PRELID2: variants seen among roughly 807,000 people sequenced by gnomAD.
PRELID2 encodes PRELI domain containing 2, also known as PRELI domain-containing protein 2.
Under a neutral mutation model 28.4 loss-of-function variants are expected in PRELID2, and 25 were observed. That is an observed-to-expected ratio of 0.88 (90% confidence interval 0.64 to 1.23). PRELID2 has a LOEUF of 1.23. Ranked by LOEUF, PRELID2 falls within the 50% of genes most tolerant of loss-of-function variation. PRELID2 has a pLI of 0.00. For missense variants in PRELID2, 201 were observed against 214.4 expected (o/e 0.94, Z 0.39); for synonymous variants, 76 against 71.6 (o/e 1.06, Z -0.31).
chr5:145,695,017 G>A (rs1259143835), intron 1 of PRELID2, among the ~76,000 whole-genome samples: 1 of 152,180 alleles, frequency 6.6e-6, no homozygotes, highest in Admixed American at 6.5e-5. Flanking sequence ...GTCCTCGGCT[G>A]GTTACTACGG....
At chr5:145,479,322 C>T (rs1481862956) in intron 1 of PRELID2, among the ~76,000 whole-genome samples, 2 of 152,090 alleles carry the variant, frequency 1.3e-5, no homozygotes, top group Non-Finnish European at 2.9e-5. Context: ...CATCAGGCAG[C>T]GAGCCCATTT....
intron 5 of PRELID2, among the ~76,000 whole-genome samples, chr5:145,781,558 AT>A (rs1404324416): frequency 6.7e-6 from 1 of 149,814 alleles, no homozygotes; most frequent in African/African-American, 2.4e-5. Flanking sequence ...CTATATTTAT[AT>A]TTTTATATAT....
chr5:145,333,065 C>A, the PRELID2 span, among the ~76,000 whole-genome samples: 53 of 152,312 alleles, frequency 3.5e-4, 1 homozygote, highest in African/African-American at 1.3e-3. Context: ...GATGTCGACT[C>A]CAGACACTGT....
chr5:145,551,218 T>A (rs1246785514), intron 1 of PRELID2, among the ~76,000 whole-genome samples: 2 of 151,964 alleles, frequency 1.3e-5, no homozygotes, highest in South Asian at 4.1e-4. Flanking sequence ...CTGGCCAACA[T>A]GGTGAAACCT....
At chr5:145,807,055 C>T (rs144487584) in intron 4 of PRELID2, among the ~76,000 whole-genome samples, 21 of 152,172 alleles carry the variant, frequency 1.4e-4, no homozygotes, top group African/African-American at 4.6e-4. Context: ...ATACACTACA[C>T]GTTTACACAA....
At chr5:145,506,362 C>T (rs1752411616) in intron 1 of PRELID2, among the ~76,000 whole-genome samples, 1 of 152,102 alleles carries the variant, frequency 6.6e-6, no homozygotes, top group South Asian at 2.1e-4. Flanking sequence ...TACAATAAGC[C>T]TTTTGTGCAT....
chr5:145,416,288 A>G, the PRELID2 span, among the ~76,000 whole-genome samples: 6 of 152,072 alleles, frequency 3.9e-5, no homozygotes, highest in Non-Finnish European at 8.8e-5. Flanking sequence ...AAAGACTTAA[A>G]CGTTAGACCT....
At chr5:145,403,069 C>T in the PRELID2 span, among the ~76,000 whole-genome samples, 1 of 152,144 alleles carries the variant, frequency 6.6e-6, no homozygotes, top group African/African-American at 2.4e-5. Context: ...TTAATGTAAA[C>T]TTCTTCCCTT....
At chr5:145,468,694 C>T (rs1752025589), downstream of PRELID2, among the ~76,000 whole-genome samples, 3 of 152,060 alleles carry the variant, frequency 2.0e-5, no homozygotes, top group African/African-American at 7.2e-5. Context: ...TTTCATGTGT[C>T]TGTTGGCTGC....
the PRELID2 span, chr5:145,338,060 T>C: frequency 6.6e-6 from 1 of 152,330 alleles, no homozygotes; most frequent in Non-Finnish European, 1.5e-5. Flanking sequence ...ATAAAACATG[T>C]ATATAATGAT....
chr5:145,827,962 T>C (rs951579676), intron 1 of PRELID2, among the ~76,000 whole-genome samples: 1 of 152,178 alleles, frequency 6.6e-6, no homozygotes, highest in Non-Finnish European at 1.5e-5. Context: ...AAAAGTATAC[T>C]GTGGTTTGGG....
chr5:145,404,111 G>C, the PRELID2 span, among the ~76,000 whole-genome samples: 1 of 152,148 alleles, frequency 6.6e-6, no homozygotes, highest in Non-Finnish European at 1.5e-5. Flanking sequence ...ATCTCTGAAG[G>C]CTGGCAGGAT....
At chr5:145,628,614 G>A (rs779903564) in intron 1 of PRELID2, among the ~76,000 whole-genome samples, 2 of 152,120 alleles carry the variant, frequency 1.3e-5, no homozygotes, top group East Asian at 1.9e-4. Context: ...ATGAGCCACC[G>A]CACCCAGCTG....
At chr5:145,267,079 C>T in the PRELID2 span, among the ~76,000 whole-genome samples, 3 of 151,898 alleles carry the variant, frequency 2.0e-5, no homozygotes, top group African/African-American at 4.8e-5. Context: ...CACAATAGGC[C>T]ATCTGCAAGC....
At chr5:145,505,432 T>C (rs528078607) in intron 1 of PRELID2, among the ~76,000 whole-genome samples, 5 of 152,282 alleles carry the variant, frequency 3.3e-5, no homozygotes, top group Non-Finnish European at 5.9e-5. Flanking sequence ...AAATCCCAAA[T>C]AACTATACAT....
At chr5:145,581,893 T>C (rs1036640109) in intron 1 of PRELID2, among the ~76,000 whole-genome samples, 13 of 152,056 alleles carry the variant, frequency 8.5e-5, no homozygotes, top group African/African-American at 3.1e-4. Flanking sequence ...AAGGCATGAG[T>C]GTCCTAGTGT....
At chr5:145,401,139 C>T in the PRELID2 span, among the ~76,000 whole-genome samples, 20 of 152,058 alleles carry the variant, frequency 1.3e-4, no homozygotes, top group Non-Finnish European at 1.9e-4. Flanking sequence ...GAACTAGAAA[C>T]TTAAATCACG....
At chr5:145,689,803 G>C (rs539440703) in intron 1 of PRELID2, among the ~76,000 whole-genome samples, 2 of 152,088 alleles carry the variant, frequency 1.3e-5, no homozygotes, top group African/African-American at 4.8e-5. Flanking sequence ...CAGCCCAATC[G>C]GGGGCAGTCT....
At chr5:145,676,788 T>C (rs1258505315) in intron 1 of PRELID2, among the ~76,000 whole-genome samples, 2 of 152,118 alleles carry the variant, frequency 1.3e-5, no homozygotes, top group Admixed American at 6.6e-5. Context: ...TATCAATTTA[T>C]AGAATATACA....
Sources: allele counts gnomAD v4.1 joint callset (sites outside exome capture counted in the v4.1 genomes callset), GRCh38; gene constraint gnomAD v4.1.1; transcripts MANE v1.5; gene names NCBI Gene and HGNC (gene_info 2026-07-23, HGNC 2026-07-21).